The following BUB1B variants were observed in gnomAD, a reference collection of about 807,000 sequenced individuals.
BUB1B encodes BUB1 mitotic checkpoint serine/threonine kinase B.
A neutral mutation model predicts 137.7 loss-of-function variants in BUB1B; 86 were observed. The ratio of observed to expected loss-of-function variants is 0.62; its 90% CI spans 0.52 to 0.75. BUB1B has a LOEUF of 0.75. Among genes scored for constraint, BUB1B ranks in the 30% least tolerant of loss-of-function variants. BUB1B has a pLI of 0.00. For missense variants in BUB1B, 1,130 were observed against 1,236.9 expected (o/e 0.91, Z 1.30); for synonymous variants, 420 against 417.9 (o/e 1.00, Z -0.06).
At chr15:40,184,732 C>T (rs1255085033) in intron 6 of BUB1B, among the ~76,000 whole-genome samples, 1 of 151,770 alleles carries the variant, frequency 6.6e-6, no homozygotes, top group Non-Finnish European at 1.5e-5. Context: ...AATAACCAGC[C>T]CCACAACAGA....
chr15:40,202,554 A>G, intron 13 of BUB1B, 35 bp from the exon 14 acceptor site: 1 of 1,605,530 alleles, frequency 6.2e-7, no homozygotes, highest in Non-Finnish European at 8.5e-7. Context: ...TACTGTTATG[A>G]AAAAAATTGC....
In BUB1B at chr15:40,212,570, T is replaced by C; in HGVS notation, c.2457T>C (p.Phe819=). 1 of 1,613,520 alleles carries C rather than the reference T, an allele frequency of 6.2e-7. No individual in the cohort carries two copies. The highest frequency in any genetic ancestry group is 8.5e-7 in the Non-Finnish European group (1 of 1,179,546). The stretch of plus-strand genomic sequence containing the variant: ...TAAAGGAACGTTTAAATGAAGATTT[T>C]GATCATTTTTGCAGCTGTTATCAAT... ...LKLKERLNED[F]DHFCSCYQYQ... is the part of the protein sequence containing the mutation. The change falls in exon 19 of 23, where the codon TTT becomes TTC. Residue 819 remains phenylalanine, a synonymous_variant. Coordinates refer to ENST00000287598, the MANE Select transcript of BUB1B (RefSeq NM_001211.6).
intron 12 of BUB1B, among the ~76,000 whole-genome samples, chr15:40,201,744 A>G (rs1187301272): frequency 2.6e-5 from 4 of 152,208 alleles, no homozygotes; most frequent in African/African-American, 9.6e-5. Flanking sequence ...TCAGCTCACT[A>G]CAAGCTCTGC....
intron 2 of BUB1B, among the ~76,000 whole-genome samples, chr15:40,167,651 T>C (rs2037116672): frequency 6.6e-6 from 1 of 152,182 alleles, no homozygotes; most frequent in Non-Finnish European, 1.5e-5. Context: ...AAGCATTATT[T>C]TAGCTTTTAT....
In BUB1B at chr15:40,185,174, A is replaced by G; in HGVS notation, c.761A>G (p.Gln254Arg). The G allele has an allele frequency of 1.2e-6, 2 of 1,613,970 alleles. No individual in the cohort carries two copies. The highest frequency in any genetic ancestry group is 1.7e-6 in the Non-Finnish European group (2 of 1,179,838). ...RVGGALKAPS[Q>R]NRGLQNPFPQ... The stretch of plus-strand genomic sequence containing the variant: ...ATATTTTTGCTCCTAGCTCCAAGCC[A>G]GAACAGAGGACTCCAAAATCCATTT... The change falls in exon 7 of 23, where the codon CAG (glutamine) becomes CGG (arginine). Residue 254 changes from glutamine to arginine, a missense_variant. Physicochemically the swap from Gln to Arg is conservative, Grantham distance 43. Transcript: ENST00000287598.
intron 20 of BUB1B, 137 bp downstream of exon 20, chr15:40,213,611 C>A: frequency 1.1e-6 from 1 of 917,990 alleles, no homozygotes; most frequent in Non-Finnish European, 1.7e-6. Flanking sequence ...TCTTGGCTCA[C>A]TGCAGCCTCC....
At chr15:40,179,967 C>CATATATATATATATATATAT (rs34339420) in intron 5 of BUB1B, among the ~76,000 whole-genome samples, 13 of 143,584 alleles carry the variant, frequency 9.1e-5, no homozygotes, top group African/African-American at 3.4e-4. Context: ...TTTCAAAAGC[C>CATATATATATATATATATAT]ATATATATAT....
At chr15:40,201,925 T>C (rs897556593) in intron 12 of BUB1B, among the ~76,000 whole-genome samples, 3 of 152,168 alleles carry the variant, frequency 2.0e-5, no homozygotes, top group Admixed American at 6.5e-5. Flanking sequence ...CACCATGGCC[T>C]CCCAAAGTGC....
At chr15:40,199,540 T>A (rs1188212335) in intron 9 of BUB1B, 75 bp from the exon 10 acceptor site, 1 of 1,082,954 alleles carries the variant, frequency 9.2e-7, no homozygotes, top group Non-Finnish European at 1.4e-6. Context: ...GTTGAGGAGA[T>A]GAGCTCCAAA....
chr15:40,194,801 C>G (rs8026608), intron 8 of BUB1B, among the ~76,000 whole-genome samples: 3,362 of 152,124 alleles, frequency 0.022, 115 homozygotes, highest in African/African-American at 0.077. Flanking sequence ...CTTTTGGATA[C>G]TAAACCATGA....
At chr15:40,179,259 C>G (rs1339475000) in intron 5 of BUB1B, among the ~76,000 whole-genome samples, 1 of 151,824 alleles carries the variant, frequency 6.6e-6, no homozygotes, top group East Asian at 1.9e-4. Context: ...GTACTTTATT[C>G]CTGTTTATTG....
chr15:40,168,890 C>T (rs2037130356), intron 2 of BUB1B, among the ~76,000 whole-genome samples: 1 of 152,178 alleles, frequency 6.6e-6, no homozygotes. Context: ...CAGAGTCTCA[C>T]CTTCTGAGGC....
chr15:40,171,663 G>A (rs2140882453), intron 4 of BUB1B, among the ~76,000 whole-genome samples: 1 of 152,296 alleles, frequency 6.6e-6, no homozygotes, highest in South Asian at 2.1e-4. Flanking sequence ...TTCCCTCTGT[G>A]ATTCTGGTAT....
intron 20 of BUB1B, 110 bp from the exon 21 acceptor site, chr15:40,217,386 T>A: frequency 8.8e-7 from 1 of 1,142,702 alleles, no homozygotes; most frequent in Non-Finnish European, 1.3e-6. Context: ...TGGAGGGAGT[T>A]GTTGGCATAG....
intron 22 of BUB1B, among the ~76,000 whole-genome samples, chr15:40,218,766 C>G (rs1023268631): frequency 2.0e-5 from 3 of 152,208 alleles, no homozygotes; most frequent in Non-Finnish European, 4.4e-5. Context: ...CAAAACTATT[C>G]AGACTTCAGG....
chr15:40,183,907 G>T, intron 6 of BUB1B, 24 bp downstream of exon 6: 1 of 1,611,140 alleles, frequency 6.2e-7, no homozygotes, highest in South Asian at 1.1e-5. Flanking sequence ...ACGTTATTTC[G>T]GAAAACTGTT....
chr15:40,192,580 A>G (rs1393462316), intron 8 of BUB1B, among the ~76,000 whole-genome samples: 2 of 152,072 alleles, frequency 1.3e-5, no homozygotes, highest in Admixed American at 6.5e-5. Context: ...AATCCCCTGT[A>G]ACTATTGATC....
At position 40,212,548 on chromosome 15, in the gene BUB1B, A is replaced by T. The variant is rs780838450; in HGVS notation, c.2435A>T (p.Lys812Met). 16 of 1,613,182 alleles carry T rather than the reference A, an allele frequency of 9.9e-6. No individual in the cohort carries two copies. In the South Asian group the frequency reaches 1.8e-4, roughly 18 times the overall value. ...GACTTTTATATCAACCTCAAGTTAA[A>T]GGAACGTTTAAATGAAGATTTTGAT... ...PWDFYINLKL[K>M]ERLNEDFDHF... is the part of the protein sequence containing the mutation. The change falls in exon 19 of 23, where the codon AAG becomes ATG. Residue 812 changes from lysine (K) to methionine (M), a missense_variant. Lys to Met is a moderately conservative substitution (Grantham distance 95). Transcript: ENST00000287598.
At position 40,180,805 on chromosome 15, in the gene BUB1B, A is replaced by G. The variant is rs1017243917; in HGVS notation, c.582-2909A>G. ...GCTGGGACTACAGGTGCCTGCCACC[A>G]CGGCTGGCTAATTTTTGTATTTTTA... On this transcript the variant is annotated intron_variant, in intron 5 of 22. Coordinates refer to ENST00000287598, the MANE Select transcript of BUB1B (RefSeq NM_001211.6). 1.2e-4 allele frequency among the ~76,000 whole-genome samples: 18 copies of G among 151,504 alleles called. 3 individuals are homozygous for G. The highest frequency in any genetic ancestry group is 4.6e-4 in the Admixed American group (7 of 15,228).
Sources: allele counts gnomAD v4.1 joint callset (sites outside exome capture counted in the v4.1 genomes callset), GRCh38; gene constraint gnomAD v4.1.1; transcripts MANE v1.5; gene names NCBI Gene and HGNC (gene_info 2026-07-23, HGNC 2026-07-21).